The following DNAI4 variants were observed in gnomAD, a reference collection of about 807,000 sequenced individuals.
DNAI4 encodes WD repeat domain 78.
A neutral mutation model predicts 105.8 loss-of-function variants in DNAI4; 85 were observed. The ratio of observed to expected loss-of-function variants is 0.80; its 90% CI spans 0.67 to 0.96. The LOEUF (loss-of-function observed/expected upper bound fraction) is 0.96. Ranked by LOEUF, DNAI4 falls within the 40% of genes least tolerant of loss-of-function variation. The probability of loss-of-function intolerance (pLI) is 0.00; values close to 1 mark genes in which losing one functional copy is unlikely to be tolerated. For missense variants in DNAI4, 1,014 were observed against 1,005.6 expected (o/e 1.01, Z -0.11); for synonymous variants, 352 against 331.5 (o/e 1.06, Z -0.67).
At chr1:66,881,600 C>T (rs1011611174) in intron 4 of DNAI4, among the ~76,000 whole-genome samples, 14 of 152,164 alleles carry the variant, frequency 9.2e-5, no homozygotes, top group African/African-American at 3.1e-4. Context: ...ATGCCTGTAC[C>T]CCCATTGTAT....
At chr1:66,924,629 G>A in intron 1 of DNAI4, 33 bp downstream of exon 1, 1 of 1,614,212 alleles carries the variant, frequency 6.2e-7, no homozygotes, top group Non-Finnish European at 8.5e-7. Flanking sequence ...GGTCCCAGGG[G>A]GATGGACTAC....
In DNAI4 at chr1:66,883,187, T is replaced by C. The variant is rs1425849170; in HGVS notation, c.643+7967A>G. On this transcript the variant is annotated intron_variant, in intron 4 of 16. Transcript: ENST00000371026. ...GCCAGGAAGTTTTCTTTTCTTTTTTTTTTTTTTTTTTTTTGTAGATTCTTA... is the reference window on the plus strand; with the variant it reads ...GCCAGGAAGTTTTCTTTTCTTTTTTCTTTTTTTTTTTTTTGTAGATTCTTA... Among the ~76,000 whole-genome samples the C allele has an allele frequency of 3.4e-5, 5 of 148,968 alleles. No homozygotes were observed. In the East Asian group the frequency reaches 9.7e-4, roughly 29 times the overall value.
At chr1:66,899,756 C>T (rs910294392) in intron 2 of DNAI4, among the ~76,000 whole-genome samples, 1 of 152,114 alleles carries the variant, frequency 6.6e-6, no homozygotes, top group Admixed American at 6.5e-5. Flanking sequence ...AGGTAAGGGT[C>T]TAAGTTCATT....
Position 66,903,557 on chromosome 1 carries a change from C to A in DNAI4, c.345+1644G>T, listed in dbSNP as rs572215236. Among the ~76,000 whole-genome samples the A allele has an allele frequency of 3.9e-5, 6 of 152,236 alleles. No homozygotes were observed. In the South Asian group the frequency reaches 1.0e-3, roughly 26 times the overall value. Reference sequence around the variant, plus strand: ...CCTCAAGCTGGAGTACAATGGCGCTCTCTCTGCTCACTGCAACCCTCTGCC... The same window carrying A: ...CCTCAAGCTGGAGTACAATGGCGCTATCTCTGCTCACTGCAACCCTCTGCC... On this transcript the variant is annotated intron_variant, in intron 2 of 16. Transcript: ENST00000371026.
intron 1 of DNAI4, among the ~76,000 whole-genome samples, chr1:66,916,367 T>C (rs1262541854): frequency 6.6e-6 from 1 of 152,178 alleles, no homozygotes; most frequent in Non-Finnish European, 1.5e-5. Flanking sequence ...CTAAAGTACT[T>C]GTGACATTAA....
chr1:66,866,297 ACT>A (rs1470349913), intron 6 of DNAI4, among the ~76,000 whole-genome samples: 1 of 150,272 alleles, frequency 6.7e-6, no homozygotes, highest in African/African-American at 2.5e-5. Context: ...ACAGAATGAG[ACT>A]CTGTCTCAAA....
chr1:66,823,237 C>T (rs1296870514), intron 15 of DNAI4, among the ~76,000 whole-genome samples: 1 of 147,732 alleles, frequency 6.8e-6, no homozygotes, highest in East Asian at 2.0e-4. Flanking sequence ...AGGACATGAA[C>T]TCATCATTTT....
At chr1:66,817,367 G>A (rs1341880050) in intron 16 of DNAI4, among the ~76,000 whole-genome samples, 5 of 152,144 alleles carry the variant, frequency 3.3e-5, no homozygotes, top group Non-Finnish European at 5.9e-5. Flanking sequence ...GAGTCCAGGA[G>A]TTCGAGATGA....
At chr1:66,889,023 T>G (rs72671685) in intron 4 of DNAI4, among the ~76,000 whole-genome samples, 1 of 152,098 alleles carries the variant, frequency 6.6e-6, no homozygotes, top group Non-Finnish European at 1.5e-5. Flanking sequence ...TGGGGGAGGT[T>G]ATGACAATAA....
chr1:66,924,318 G>C (rs996923353), intron 1 of DNAI4, among the ~76,000 whole-genome samples: 3 of 152,184 alleles, frequency 2.0e-5, no homozygotes, highest in Non-Finnish European at 4.4e-5. Context: ...TTACAGGCAT[G>C]TGCCACCACG....
chr1:66,826,976 C>T lies in DNAI4; in HGVS notation c.2183G>A (p.Gly728Asp). ...DVFLSCSADW[G>D]VIIWQQENVK... ...ATTCTCCTGTTGCCATATAATAACA[C>T]CCCAATCTGCAGAACAGCTTAAAAA... The change falls in exon 15 of 17, where the codon GGT becomes GAT. Residue 728 changes from glycine (G) to aspartate (D), a missense_variant. By Grantham distance (94) the Gly-to-Asp change is moderately conservative. Coordinates refer to ENST00000371026, the MANE Select transcript of DNAI4 (RefSeq NM_024763.5). 1 of 1,614,058 alleles carries T rather than the reference C, an allele frequency of 6.2e-7. No individual in the cohort carries two copies. Among genetic ancestry groups the T allele is most frequent in the Non-Finnish European group, 8.5e-7 (1 of 1,180,010 alleles).
chr1:66,882,430 T>A (rs1647092696), intron 4 of DNAI4, among the ~76,000 whole-genome samples: 1 of 152,262 alleles, frequency 6.6e-6, no homozygotes, highest in Non-Finnish European at 1.5e-5. Flanking sequence ...TCAAAAAGTT[T>A]CTTACTTTTG....
At position 66,893,446 on chromosome 1, in the gene DNAI4, T is replaced by A. The variant is rs529107834; in HGVS notation, c.346-33A>T. 2.9e-6 allele frequency: 4 copies of A among 1,395,376 alleles called. No individual in the cohort carries two copies. The African/African-American group carries it at 4.4e-5, about 15-fold the overall frequency. The allele number at this position is 1,395,376 out of a possible 1,614,324, so 86.4% of individuals were successfully genotyped here. ...AAATGGTTATTTAAAATGAAATAAC[T>A]AAAAAAGACAGGGCTTCTAAATAAC... On this transcript the variant is annotated intron_variant, in intron 2 of 16. Coordinates refer to ENST00000371026, the MANE Select transcript of DNAI4 (RefSeq NM_024763.5).
intron 9 of DNAI4, among the ~76,000 whole-genome samples, chr1:66,840,136 C>T (rs958295528): frequency 1.3e-5 from 2 of 152,014 alleles, no homozygotes; most frequent in Non-Finnish European, 2.9e-5. Context: ...TTTTGGTATA[C>T]GTTGAATAAA....
intron 14 of DNAI4, among the ~76,000 whole-genome samples, chr1:66,827,343 G>C (rs1241624406): frequency 6.6e-6 from 1 of 151,938 alleles, no homozygotes; most frequent in Admixed American, 6.6e-5. Context: ...AGAAAATGTG[G>C]CTGAAACAAT....
At chr1:66,840,917 C>T (rs568962575) in intron 8 of DNAI4, among the ~76,000 whole-genome samples, 23 of 152,300 alleles carry the variant, frequency 1.5e-4, no homozygotes, top group African/African-American at 5.1e-4. Flanking sequence ...CAGTGTAGCA[C>T]ATCCAAATGA....
chr1:66,852,626 T>A (rs1328193362), intron 7 of DNAI4, among the ~76,000 whole-genome samples: 1 of 152,002 alleles, frequency 6.6e-6, no homozygotes. Context: ...CACATGATCA[T>A]ATCAATCAAT....
intron 6 of DNAI4, among the ~76,000 whole-genome samples, chr1:66,863,280 G>A (rs1333763561): frequency 6.6e-6 from 1 of 152,076 alleles, no homozygotes; most frequent in Admixed American, 6.6e-5. Context: ...TTCAGTTAAA[G>A]GATGGTGATT....
Position 66,833,639 on chromosome 1 carries a change from A to G in DNAI4, c.1959T>C (p.Asp653=), listed in dbSNP as rs367770301. Reference sequence around the variant, plus strand: ...GAGCCTGTCGAGATATCAAAGCTTCATCTTTCTTTTCCTTTTCCCCTCCTT... The same window carrying G: ...GAGCCTGTCGAGATATCAAAGCTTCGTCTTTCTTTTCCTTTTCCCCTCCTT... ...NKKGGEKEKK[D]EALISRQAPG... The change falls in exon 13 of 17, where the codon GAT becomes GAC. Residue 653 remains aspartate, a synonymous_variant. Coordinates refer to ENST00000371026, the MANE Select transcript of DNAI4 (RefSeq NM_024763.5). 4.3e-6 allele frequency: 7 copies of G among 1,613,412 alleles called. No individual in the cohort carries two copies. The highest frequency in any genetic ancestry group is 1.7e-4 in the Middle Eastern group (1 of 6,060).
Sources: allele counts gnomAD v4.1 joint callset (sites outside exome capture counted in the v4.1 genomes callset), GRCh38; gene constraint gnomAD v4.1.1; transcripts MANE v1.5; gene names NCBI Gene and HGNC (gene_info 2026-07-23, HGNC 2026-07-21).